The following LPIN1 variants were observed in gnomAD, a reference collection of about 807,000 sequenced individuals.
LPIN1 encodes lipin 1.
Under a neutral mutation model 107.5 loss-of-function variants are expected in LPIN1, and 71 were observed. That is an observed-to-expected ratio of 0.66 (90% CI 0.55 to 0.80). The LOEUF (loss-of-function observed/expected upper bound fraction) is 0.80, where lower values mean the gene tolerates loss of function less well. Among genes scored for constraint, LPIN1 ranks in the 30% least tolerant of loss-of-function variants. LPIN1 has a pLI of 0.00. For synonymous variants in LPIN1, 445 were observed against 452.6 expected (o/e 0.98, Z 0.21); for missense variants, 1,043 against 1,160.6 (o/e 0.90, Z 1.47).
intron 14 of LPIN1, among the ~76,000 whole-genome samples, chr2:11,799,149 G>A (rs1449236916): frequency 6.6e-6 from 1 of 152,148 alleles, no homozygotes. Flanking sequence ...GCCCTAAGCC[G>A]AAACCACCAA....
chr2:11,808,749 C>T (rs572238280), intron 17 of LPIN1, among the ~76,000 whole-genome samples: 110 of 151,950 alleles, frequency 7.2e-4, no homozygotes, highest in African/African-American at 2.5e-3. Context: ...TGGTGGGTGC[C>T]TGTAATCCCA....
At chr2:11,795,174 G>C (rs568154255) in intron 13 of LPIN1, among the ~76,000 whole-genome samples, 1 of 152,254 alleles carries the variant, frequency 6.6e-6, no homozygotes, top group Admixed American at 6.5e-5. Context: ...TAACAGATTC[G>C]TTTCTGTCAA....
upstream of LPIN1, among the ~76,000 whole-genome samples, chr2:11,745,570 C>T (rs544753130): frequency 3.9e-5 from 6 of 152,120 alleles, no homozygotes; most frequent in Non-Finnish European, 5.9e-5. Context: ...ATTAGCTGGG[C>T]GTGGTGGCAT....
intron 9 of LPIN1, 147 bp from the exon 10 acceptor site, chr2:11,784,739 T>TC: frequency 1.3e-6 from 1 of 784,014 alleles, no homozygotes; most frequent in Non-Finnish European, 2.3e-6. Flanking sequence ...TCTTTCCTTG[T>TC]CGTGGTGCTT....
rs752128327 is a variant in LPIN1, at chr2:11,792,018, A to G, written c.1806+12A>G. ...CCACAATCAAGGAGGTAAGCCCAGAAGACAAAGCAGTGCTCACACTTAGCA... is the reference window on the plus strand; with the variant it reads ...CCACAATCAAGGAGGTAAGCCCAGAGGACAAAGCAGTGCTCACACTTAGCA... On this transcript the variant is annotated intron_variant, in intron 13 of 20. Transcript: ENST00000674199. 16 of 1,609,420 alleles carry G rather than the reference A, an allele frequency of 9.9e-6. No individual in the cohort carries two copies. The African/African-American group carries it at 1.7e-4, about 17-fold the overall frequency.
upstream of LPIN1, among the ~76,000 whole-genome samples, chr2:11,720,485 A>G (rs934844939): frequency 5.3e-5 from 8 of 152,190 alleles, no homozygotes; most frequent in African/African-American, 1.9e-4. Context: ...TGGAACAGCC[A>G]GGGTGTCTAA....
rs2148667733 is a variant in LPIN1 at position 11,788,384 on chromosome 2, T to A, written c.1644-3T>A. 6.2e-7 allele frequency: 1 copy of A among 1,610,692 alleles called. No homozygotes were observed. The highest frequency in any genetic ancestry group is 1.1e-5 in the South Asian group (1 of 91,024). On this transcript the variant is annotated splice_polypyrimidine_tract_variant and splice_region_variant and intron_variant, in intron 11 of 20. Transcript: ENST00000674199. ...TGACATATATTTCATTGTTTTGTGT[T>A]AGATATTATAACTGGACAACAGCAG...
intron 1 of LPIN1, among the ~76,000 whole-genome samples, chr2:11,760,053 G>A (rs561366462): frequency 3.3e-5 from 5 of 152,058 alleles, no homozygotes; most frequent in East Asian, 1.9e-4. Flanking sequence ...GGTCGCGGCC[G>A]GGCAGAGGCG....
intron 1 of LPIN1, among the ~76,000 whole-genome samples, chr2:11,760,102 TCC>T (rs1215713182): frequency 6.8e-6 from 1 of 146,196 alleles, no homozygotes; most frequent in East Asian, 2.1e-4. Flanking sequence ...GCAGAGGCGC[TCC>T]CCACATCTCA....
At chr2:11,687,489 CA>C (rs1662069162) in intron 1 of LPIN1, among the ~76,000 whole-genome samples, 1 of 151,748 alleles carries the variant, frequency 6.6e-6, no homozygotes, top group African/African-American at 2.4e-5. Flanking sequence ...AAGGCAGGGA[CA>C]GGGGGCTTTG....
In LPIN1 at chr2:11,779,558, A is replaced by G; in HGVS notation, c.870A>G (p.Ser290=). ...GSRPSTPKSD[S]ELVSKSTERT... Reference sequence around the variant, plus strand: ...GACCTTCAACACCTAAAAGTGATTCAGAATTGGTCAGCAAGTCCACGGAAA... The same window carrying G: ...GACCTTCAACACCTAAAAGTGATTCGGAATTGGTCAGCAAGTCCACGGAAA... Residue 290 remains serine (S), a synonymous_variant, in exon 7 of 21, where the codon TCA becomes TCG. Coordinates refer to ENST00000674199, the MANE Select transcript of LPIN1 (RefSeq NM_001349206.2). 2 of 1,614,066 alleles carry G rather than the reference A, an allele frequency of 1.2e-6. No homozygotes were observed. Among genetic ancestry groups the G allele is most frequent in the South Asian group, 2.2e-5 (2 of 91,076 alleles).
intron 1 of LPIN1, among the ~76,000 whole-genome samples, chr2:11,691,129 T>G (rs1224880974): frequency 2.1e-5 from 3 of 141,006 alleles, no homozygotes; most frequent in Non-Finnish European, 4.6e-5. Flanking sequence ...TCACACCAAC[T>G]CCTAGTCCTT....
intron 1 of LPIN1, among the ~76,000 whole-genome samples, chr2:11,701,242 G>A (rs753883742): frequency 1.1e-4 from 17 of 152,150 alleles, no homozygotes; most frequent in Admixed American, 3.3e-4. Context: ...CCTGCATGCA[G>A]CACGCATCAT....
intron 13 of LPIN1, among the ~76,000 whole-genome samples, chr2:11,793,660 C>T (rs1271241027): frequency 6.6e-6 from 1 of 152,194 alleles, no homozygotes; most frequent in Non-Finnish European, 1.5e-5. Context: ...TCTGTGGACC[C>T]CTCTCCCCTG....
At chr2:11,792,572 G>A (rs1225162623) in intron 13 of LPIN1, among the ~76,000 whole-genome samples, 7 of 151,984 alleles carry the variant, frequency 4.6e-5, no homozygotes, top group Non-Finnish European at 1.0e-4. Context: ...TAGTGGAGAC[G>A]GGGTTTTGCC....
At chr2:11,789,372 T>C (rs533622104) in intron 12 of LPIN1, among the ~76,000 whole-genome samples, 18 of 152,216 alleles carry the variant, frequency 1.2e-4, no homozygotes, top group African/African-American at 4.1e-4. Context: ...TGTGCGCATG[T>C]ATGTGTGTGC....
At chr2:11,800,445 T>G (rs1177779870) in intron 14 of LPIN1, among the ~76,000 whole-genome samples, 1 of 152,144 alleles carries the variant, frequency 6.6e-6, no homozygotes, top group Non-Finnish European at 1.5e-5. Flanking sequence ...TCTTACTCTG[T>G]CACCCAGGCT....
At chr2:11,723,389 G>C (rs1572405469), upstream of LPIN1, 1 of 152,258 alleles carries the variant, frequency 6.6e-6, no homozygotes, top group Middle Eastern at 3.4e-3. Flanking sequence ...TGGGTGCAGT[G>C]GCTCATGCCT....
chr2:11,732,310 G>T (rs1012524016), intron 1 of LPIN1, among the ~76,000 whole-genome samples: 3 of 152,182 alleles, frequency 2.0e-5, no homozygotes, highest in African/African-American at 7.2e-5. Context: ...TTAGAAGTTA[G>T]TGAAATTAAG....
Sources: allele counts gnomAD v4.1 joint callset (sites outside exome capture counted in the v4.1 genomes callset), GRCh38; gene constraint gnomAD v4.1.1; transcripts MANE v1.5; gene names NCBI Gene and HGNC (gene_info 2026-07-23, HGNC 2026-07-21).